The following CARMIL1 variants were observed in gnomAD, a reference collection of about 807,000 sequenced individuals.
The protein encoded by CARMIL1 is F-actin-uncapping protein LRRC16A.
CARMIL1 carries 90 observed loss-of-function variants against 177.1 expected under a neutral mutation model. The observed-to-expected ratio is 0.51, with a 90% CI of 0.43 to 0.61. CARMIL1 has a LOEUF of 0.61. Among genes scored for constraint, CARMIL1 ranks in the 20% least tolerant of loss-of-function variants. The pLI is 0.00. For synonymous variants in CARMIL1, 577 were observed against 606.2 expected, an observed-to-expected ratio of 0.95 and a Z score of 0.71; for missense variants, 1,380 against 1,667.0, an observed-to-expected ratio of 0.83 and a Z score of 3.00.
Position 25,619,514 on chromosome 6 carries a change from A to G in CARMIL1, c.4047A>G (p.Lys1349=), listed in dbSNP as rs769092114. 2 of 1,613,930 alleles carry G rather than the reference A, an allele frequency of 1.2e-6. No homozygotes were observed. Among genetic ancestry groups the G allele is most frequent in the Non-Finnish European group, 1.7e-6 (2 of 1,179,846 alleles). The change falls in exon 37 of 37, where the codon AAA becomes AAG. Residue 1349 remains lysine (K), a synonymous_variant. Transcript: ENST00000329474. ...AACAAAAGCAACGGTCCTCCAGTAA[A>G]GATGGCCATCAAGGCAGCAAATCTA... is the stretch of plus-strand genomic sequence containing the variant. ...YQEQKQRSSS[K]DGHQGSKSND... is the part of the protein sequence containing the mutation.
chr6:25,562,480 C>A (rs1431369784), intron 29 of CARMIL1, among the ~76,000 whole-genome samples: 1 of 152,152 alleles, frequency 6.6e-6, no homozygotes, highest in African/African-American at 2.4e-5. Context: ...AACTCCTGAC[C>A]TCATGATCCA....
chr6:25,279,849 G>C lies in CARMIL1; in HGVS notation c.40+14G>C, dbSNP rs759422508. Reference sequence around the variant, plus strand: ...GGGAGTTGATAGGTAAGATTCACGCGGTTGTTGGTTTTCCACCTTCCTCTG... The same window carrying C: ...GGGAGTTGATAGGTAAGATTCACGCCGTTGTTGGTTTTCCACCTTCCTCTG... On this transcript the variant is annotated intron_variant, in intron 1 of 36. Coordinates refer to ENST00000329474, the MANE Select transcript of CARMIL1 (RefSeq NM_017640.6). 1 of 1,613,860 alleles carries C rather than the reference G, an allele frequency of 6.2e-7. No individual in the cohort carries two copies. The highest frequency in any genetic ancestry group is 1.1e-5 in the South Asian group (1 of 91,078).
chr6:25,325,978 C>G (rs1329059137), intron 2 of CARMIL1, among the ~76,000 whole-genome samples: 2 of 152,020 alleles, frequency 1.3e-5, no homozygotes, highest in Non-Finnish European at 2.9e-5. Flanking sequence ...CAAGCAATTC[C>G]CCTGCCTCAG....
chr6:25,546,673 A>ACAACAACAAC, intron 26 of CARMIL1, among the ~76,000 whole-genome samples: 1 of 147,900 alleles, frequency 6.8e-6, no homozygotes, highest in South Asian at 2.1e-4. Flanking sequence ...CAACAACAAA[A>ACAACAACAAC]AAAAAAAAAA....
At chr6:25,512,599 C>T (rs1348356088) in intron 20 of CARMIL1, among the ~76,000 whole-genome samples, 1 of 152,102 alleles carries the variant, frequency 6.6e-6, no homozygotes, top group Non-Finnish European at 1.5e-5. Context: ...AAAAAATAAT[C>T]TCTTTACTTT....
intron 2 of CARMIL1, among the ~76,000 whole-genome samples, chr6:25,342,317 T>G (rs1433710683): frequency 6.6e-6 from 1 of 152,070 alleles, no homozygotes; most frequent in South Asian, 2.1e-4. Context: ...AGGATGGGAG[T>G]GACTTTCCCT....
At chr6:25,331,258 G>A (rs1177434432) in intron 2 of CARMIL1, among the ~76,000 whole-genome samples, 1 of 152,142 alleles carries the variant, frequency 6.6e-6, no homozygotes, top group Non-Finnish European at 1.5e-5. Flanking sequence ...GTTATGCCAG[G>A]ACCTCAGTAG....
chr6:25,574,849 T>A (rs1422066025), intron 29 of CARMIL1, among the ~76,000 whole-genome samples: 5 of 152,160 alleles, frequency 3.3e-5, no homozygotes. Flanking sequence ...TGTTCTCACT[T>A]TTTTTGCTGT....
intron 1 of CARMIL1, among the ~76,000 whole-genome samples, chr6:25,284,490 A>C (rs1178615715): frequency 2.0e-5 from 3 of 152,208 alleles, no homozygotes; most frequent in East Asian, 1.9e-4. Flanking sequence ...CAGGCGGATC[A>C]CTTGAGGTCA....
chr6:25,501,787 C>G (rs1020059575), intron 17 of CARMIL1, among the ~76,000 whole-genome samples: 1 of 152,034 alleles, frequency 6.6e-6, no homozygotes, highest in Non-Finnish European at 1.5e-5. Flanking sequence ...ATGCCAGGCA[C>G]CAAGCCAGTA....
intron 17 of CARMIL1, among the ~76,000 whole-genome samples, chr6:25,502,520 C>T (rs1003749995): frequency 1.0e-4 from 15 of 149,682 alleles, no homozygotes; most frequent in Admixed American, 2.7e-4. Context: ...TACCAATGCA[C>T]TCCAGCCCGG....
intron 4 of CARMIL1, among the ~76,000 whole-genome samples, chr6:25,433,774 A>C (rs1797004375): frequency 6.6e-6 from 1 of 152,268 alleles, no homozygotes; most frequent in Admixed American, 6.5e-5. Flanking sequence ...AGAGGTATTT[A>C]TGAAAAAGTA....
chr6:25,327,777 T>G lies in CARMIL1; in HGVS notation c.138+42868T>G, dbSNP rs562831941. 2.4e-3 allele frequency among the ~76,000 whole-genome samples: 361 copies of G among 152,352 alleles called. 1 individual carries two copies. The highest frequency in any genetic ancestry group is 8.3e-3 in the African/African-American group (344 of 41,578). On this transcript the variant is annotated intron_variant, in intron 2 of 36. Transcript: ENST00000329474. ...GGGCTACTTTGTGCCTCATGTCATG[T>G]TATTGAATCCAACTTCTTGGAATTG...
At chr6:25,489,675 T>C (rs1443226775) in intron 13 of CARMIL1, among the ~76,000 whole-genome samples, 2 of 152,246 alleles carry the variant, frequency 1.3e-5, no homozygotes, top group African/African-American at 4.8e-5. Context: ...TTCTTATTTC[T>C]CTTGTTTTGG....
chr6:25,320,230 T>G (rs550524686), intron 2 of CARMIL1, among the ~76,000 whole-genome samples: 11 of 152,110 alleles, frequency 7.2e-5, no homozygotes, highest in Non-Finnish European at 1.6e-4. Flanking sequence ...AGTGGGAACA[T>G]TGGGTGATTT....
At chr6:25,323,381 C>T (rs1284467581) in intron 2 of CARMIL1, among the ~76,000 whole-genome samples, 3 of 137,824 alleles carry the variant, frequency 2.2e-5, no homozygotes, top group Non-Finnish European at 3.0e-5. Context: ...ACCAGGAATT[C>T]GAGACCAGCC....
At chr6:25,281,467 A>G (rs1781113677) in intron 1 of CARMIL1, among the ~76,000 whole-genome samples, 1 of 152,122 alleles carries the variant, frequency 6.6e-6, no homozygotes, top group African/African-American at 2.4e-5. Context: ...ACTTAGGCCC[A>G]AGAGAAAGAG....
chr6:25,480,641 T>C (rs1468052678), intron 11 of CARMIL1, among the ~76,000 whole-genome samples: 2 of 87,626 alleles, frequency 2.3e-5, no homozygotes, highest in Admixed American at 1.2e-4. Context: ...TTAAATAAAA[T>C]AAATTTAAAT....
chr6:25,574,734 A>G, intron 29 of CARMIL1, among the ~76,000 whole-genome samples: 1 of 152,278 alleles, frequency 6.6e-6, no homozygotes, highest in South Asian at 2.1e-4. Context: ...TTCACTCAGT[A>G]TTATATTTTG....
Sources: gnomAD v4.1 joint callset for allele counts (sites outside exome capture counted in the v4.1 genomes callset) on GRCh38, gnomAD v4.1.1 for gene constraint, MANE v1.5 for transcripts, NCBI Gene and HGNC (gene_info 2026-07-23, HGNC 2026-07-21) for gene names.